The following PCDH15 variants were observed in gnomAD, a reference collection of about 807,000 sequenced individuals.
PCDH15 encodes protocadherin-15.
In PCDH15, 129 loss-of-function variants were observed where a neutral mutation model predicts 178.5. That is an observed-to-expected ratio of 0.72 (90% confidence interval 0.63 to 0.84). PCDH15 has a LOEUF of 0.84. Among genes scored for constraint, PCDH15 ranks in the 40% least tolerant of loss-of-function variants. The pLI is 0.00. For synonymous variants in PCDH15, 800 were observed against 732.0 expected, an observed-to-expected ratio of 1.09 and a Z score of -1.50; for missense variants, 2,230 against 2,099.9, an observed-to-expected ratio of 1.06 and a Z score of -1.21.
intron 3 of PCDH15, among the ~76,000 whole-genome samples, chr10:54,511,961 C>T (rs2081717963): frequency 6.6e-6 from 1 of 151,904 alleles, no homozygotes; most frequent in Non-Finnish European, 1.5e-5. Flanking sequence ...TACCATAACC[C>T]TTGATTTTAT....
intron 1 of PCDH15, among the ~76,000 whole-genome samples, chr10:54,784,019 AAGG>A (rs1410752465): frequency 1.5e-5 from 2 of 136,164 alleles, no homozygotes. Context: ...CGGCGGCAGG[AAGG>A]AGAAGTGTCA....
At chr10:54,434,069 T>C (rs2075211998) in intron 3 of PCDH15, among the ~76,000 whole-genome samples, 1 of 152,092 alleles carries the variant, frequency 6.6e-6, no homozygotes, top group African/African-American at 2.4e-5. Context: ...AATTTAAATG[T>C]TAAAAAGTAT....
intron 14 of PCDH15, among the ~76,000 whole-genome samples, chr10:54,152,443 A>G (rs954664268): frequency 1.3e-5 from 2 of 152,058 alleles, no homozygotes; most frequent in East Asian, 3.9e-4. Flanking sequence ...AAGGAATATT[A>G]CATAACTGTG....
At chr10:53,809,217 T>G (rs2075776333) in intron 37 of PCDH15, 2 of 1,613,942 alleles carry the variant, frequency 1.2e-6, no homozygotes, top group Non-Finnish European at 1.7e-6. Context: ...CAGACTCTTC[T>G]TCACTGTATT....
intron 8 of PCDH15, among the ~76,000 whole-genome samples, chr10:54,298,166 G>A (rs984916649): frequency 6.6e-6 from 1 of 152,118 alleles, no homozygotes; most frequent in Non-Finnish European, 1.5e-5. Flanking sequence ...CCTTCCTCGA[G>A]CAGCTATGGG....
Position 53,806,351 on chromosome 10 carries a change from G to A in PCDH15, c.*228C>T, listed in dbSNP as rs1324077980. 9.1e-6 allele frequency: 4 copies of A among 441,520 alleles called. No individual in the cohort carries two copies. Among genetic ancestry groups the A allele is most frequent in the Admixed American group, 3.9e-5 (1 of 25,846 alleles). 27.4% of individuals were successfully genotyped at this position (441,520 alleles called of 1,614,324 possible). On this transcript the variant is annotated 3_prime_UTR_variant, in exon 38 of 38. Transcript: ENST00000644397. ...CAACAAAACAGCTAAATGTTTAAAC[G>A]ATAGGTTATTTAGTGAAAGTATGTC...
chr10:54,919,514 TA>T (rs1354029108), intron 2 of PCDH15, among the ~76,000 whole-genome samples: 1 of 152,208 alleles, frequency 6.6e-6, no homozygotes, highest in Non-Finnish European at 1.5e-5. Context: ...GCCACACATA[TA>T]ATATCTCTCT....
At chr10:54,503,030 C>T (rs1453824392) in intron 3 of PCDH15, among the ~76,000 whole-genome samples, 3 of 151,408 alleles carry the variant, frequency 2.0e-5, no homozygotes. Context: ...ATGTAAAATA[C>T]ATAGTATGTG....
intron 1 of PCDH15, among the ~76,000 whole-genome samples, chr10:55,289,899 TGA>T (rs1205781224): frequency 6.6e-6 from 1 of 151,986 alleles, no homozygotes; most frequent in Admixed American, 6.6e-5. Flanking sequence ...TGAGTTTTCT[TGA>T]GAGTGGGTTG....
intron 2 of PCDH15, among the ~76,000 whole-genome samples, chr10:55,023,536 C>T (rs900401810): frequency 1.3e-5 from 2 of 151,920 alleles, no homozygotes; most frequent in African/African-American, 4.8e-5. Flanking sequence ...TATACAAATT[C>T]TAGATCGACT....
At chr10:53,925,250 G>A (rs1388711309) in intron 25 of PCDH15, among the ~76,000 whole-genome samples, 2 of 152,060 alleles carry the variant, frequency 1.3e-5, no homozygotes, top group East Asian at 1.9e-4. Context: ...TGAGGCCAGC[G>A]AGACCACGAA....
intron 2 of PCDH15, among the ~76,000 whole-genome samples, chr10:54,936,913 A>G (rs1837921406): frequency 6.6e-6 from 1 of 151,882 alleles, no homozygotes; most frequent in African/African-American, 2.4e-5. Context: ...TTAATAATTA[A>G]TCACATAATC....
At chr10:54,546,227 C>T (rs1313608067) in intron 2 of PCDH15, among the ~76,000 whole-genome samples, 1 of 152,092 alleles carries the variant, frequency 6.6e-6, no homozygotes, top group Non-Finnish European at 1.5e-5. Flanking sequence ...ATGAAAGAGG[C>T]TACCTGGATT....
intron 2 of PCDH15, among the ~76,000 whole-genome samples, chr10:55,155,488 C>CAA (rs33986131): frequency 0.3 from 34,559 of 115,544 alleles, 5,259 homozygotes; most frequent in Middle Eastern, 0.33. Flanking sequence ...GCAACCAATG[C>CAA]AAAAAAAAAA....
chr10:53,811,063 C>T (rs924012606), intron 36 of PCDH15, among the ~76,000 whole-genome samples: 2 of 152,122 alleles, frequency 1.3e-5, no homozygotes, highest in Non-Finnish European at 2.9e-5. Context: ...CAAACATGGT[C>T]TGTAATGGTT....
chr10:54,181,406 T>C (rs1164389834), intron 13 of PCDH15, among the ~76,000 whole-genome samples: 1 of 152,180 alleles, frequency 6.6e-6, no homozygotes, highest in Non-Finnish European at 1.5e-5. Context: ...AACTTTTATT[T>C]CAGATTCAGG....
chr10:54,989,504 T>C (rs995163227), intron 2 of PCDH15, among the ~76,000 whole-genome samples: 1 of 152,194 alleles, frequency 6.6e-6, no homozygotes, highest in Admixed American at 6.5e-5. Flanking sequence ...ACCTCTTGTA[T>C]CAGCATGACC....
chr10:55,261,058 G>A (rs949467026), intron 1 of PCDH15, among the ~76,000 whole-genome samples: 2 of 151,896 alleles, frequency 1.3e-5, no homozygotes, highest in Non-Finnish European at 2.9e-5. Flanking sequence ...ATTTTTAGAT[G>A]GCTAAAAAAC....
chr10:55,319,792 G>A (rs1843838906), upstream of PCDH15, among the ~76,000 whole-genome samples: 1 of 152,184 alleles, frequency 6.6e-6, no homozygotes, highest in South Asian at 2.1e-4. Context: ...ACAGGTGATA[G>A]TGGCAGAACT....
Sources: gnomAD v4.1 joint callset for allele counts (sites outside exome capture counted in the v4.1 genomes callset) on GRCh38, gnomAD v4.1.1 for gene constraint, MANE v1.5 for transcripts, NCBI Gene and HGNC (gene_info 2026-07-23, HGNC 2026-07-21) for gene names.